WDR35: variants seen among roughly 807,000 people sequenced by gnomAD.
WDR35 encodes WD repeat-containing protein 35.
In WDR35, 118 loss-of-function variants were observed where a neutral mutation model predicts 158.3. That is an observed-to-expected ratio of 0.75 (90% confidence interval 0.64 to 0.87). The LOEUF (loss-of-function observed/expected upper bound fraction) is 0.87, where lower values mean the gene tolerates loss of function less well. WDR35 is among the 40% of genes least tolerant of loss of function. WDR35 has a pLI of 0.00. For synonymous variants in WDR35, 448 were observed against 476.1 expected (o/e 0.94, Z 0.77); for missense variants, 1,263 against 1,405.8 (o/e 0.90, Z 1.62).
Position 19,932,566 on chromosome 2 carries a change from T to C in WDR35, c.2659-119A>G, listed in dbSNP as rs1232724927. 4.0e-5 allele frequency: 50 copies of C among 1,263,212 alleles called. No homozygotes were observed. The East Asian group carries it at 1.1e-3, about 29-fold the overall frequency. The allele number at this position is 1,263,212 out of a possible 1,614,324, so 78.3% of individuals were successfully genotyped here. On this transcript the variant is annotated intron_variant, in intron 22 of 26. Coordinates refer to ENST00000281405, the MANE Select transcript of WDR35 (RefSeq NM_020779.4). ...ACACTATTTCAAAATTAAAAACTGG[T>C]ATGTTTTAAAAATAGCATTTAAAAT...
chr2:19,969,199 T>C (rs1671955504), intron 9 of WDR35, among the ~76,000 whole-genome samples: 1 of 152,250 alleles, frequency 6.6e-6, no homozygotes, highest in South Asian at 2.1e-4. Flanking sequence ...CATCCCTTAC[T>C]GTTCCCTTTA....
rs929509786 is a variant in WDR35, at chr2:19,980,849, A to C, written c.215-66T>G. ...ATTAATTTCAAATTCACATTTTTAT[A>C]TAAACACCAAGATCATGTTAAAATC... is the stretch of plus-strand genomic sequence containing the variant. On this transcript the variant is annotated intron_variant, in intron 3 of 26. Coordinates refer to ENST00000281405, the MANE Select transcript of WDR35 (RefSeq NM_020779.4). The C allele has an allele frequency of 2.9e-6, 4 of 1,367,858 alleles. No homozygotes were observed. The African/African-American group carries it at 4.3e-5, about 15-fold the overall frequency. The allele number at this position is 1,367,858 out of a possible 1,614,324, so 84.7% of individuals were successfully genotyped here. A position where few individuals can be genotyped will look rare whatever the true frequency, so the allele number is the denominator to read the frequency against.
At chr2:19,967,419 T>C (rs1025286864) in intron 9 of WDR35, among the ~76,000 whole-genome samples, 1 of 152,158 alleles carries the variant, frequency 6.6e-6, no homozygotes, top group African/African-American at 2.4e-5. Flanking sequence ...CCCTGCCAAA[T>C]TTCCTCTCTC....
At chr2:19,965,774 T>C (rs1164012047) in intron 10 of WDR35, among the ~76,000 whole-genome samples, 1 of 152,184 alleles carries the variant, frequency 6.6e-6, no homozygotes, top group Non-Finnish European at 1.5e-5. Flanking sequence ...TGGGATCTCC[T>C]TCTTCTTAAA....
In WDR35 at chr2:19,930,495, A is replaced by G. The variant is rs140453088; in HGVS notation, c.3022T>C (p.Phe1008Leu). ...EEEVLSTTDR[F>L]TDNAWRGAEA... The stretch of plus-strand genomic sequence containing the variant: ...GCCCCTCTCCATGCATTATCTGTGA[A>G]ACGATCTGTTGTAGACAGAACTTCT... Residue 1008 changes from phenylalanine to leucine, a missense_variant, in exon 25 of 27, where the codon TTC (phenylalanine) becomes CTC (leucine). Transcript: ENST00000281405. The G allele has an allele frequency of 4.3e-6, 7 of 1,614,214 alleles. No individual in the cohort carries two copies. In the African/African-American group the frequency reaches 8.0e-5, roughly 18 times the overall value.
At chr2:19,969,320 T>C (rs1295009300) in intron 9 of WDR35, among the ~76,000 whole-genome samples, 160 bp downstream of exon 9, 1 of 152,228 alleles carries the variant, frequency 6.6e-6, no homozygotes, top group Non-Finnish European at 1.5e-5. Flanking sequence ...ACTAACTATA[T>C]ATAGTATTCT....
intron 25 of WDR35, among the ~76,000 whole-genome samples, chr2:19,923,873 AT>A (rs1033791053): frequency 6.6e-6 from 1 of 152,196 alleles, no homozygotes; most frequent in African/African-American, 2.4e-5. Context: ...CCAGGTTCTC[AT>A]TTTGTAATGG....
chr2:19,931,800 A>C (rs1670534044), intron 23 of WDR35, among the ~76,000 whole-genome samples: 1 of 152,182 alleles, frequency 6.6e-6, no homozygotes, highest in South Asian at 2.1e-4. Context: ...TCAGAAGCTG[A>C]AACTTATTTA....
At position 19,936,345 on chromosome 2, in the gene WDR35, C is replaced by T. The variant is rs1670696748; in HGVS notation, c.2288G>A (p.Arg763Gln). The change falls in exon 20 of 27, where the codon CGG (arginine) becomes CAG (glutamine). Residue 763 changes from arginine (R) to glutamine (Q), a missense_variant. Arg to Gln is a conservative substitution (Grantham distance 43). Transcript: ENST00000281405. ...MDRRDLAIGL[R>Q]LKLGDWFRVL... ...TCTAAACCAATCCCCCAATTTCAGC[C>T]GGAGGCCAATAGCAAGATCCCTACA... 1.9e-5 allele frequency: 30 copies of T among 1,613,944 alleles called. 1 individual carries two copies. Among genetic ancestry groups the T allele is most frequent in the South Asian group, 3.3e-5 (3 of 91,080 alleles).
chr2:19,933,193 A>G (rs1670576319), intron 22 of WDR35, among the ~76,000 whole-genome samples: 1 of 152,210 alleles, frequency 6.6e-6, no homozygotes, highest in South Asian at 2.1e-4. Context: ...GTCACCCCTC[A>G]TGGTAGCACT....
intron 25 of WDR35, among the ~76,000 whole-genome samples, chr2:19,916,610 A>T (rs938175187): frequency 1.3e-5 from 2 of 152,164 alleles, no homozygotes; most frequent in Non-Finnish European, 2.9e-5. Flanking sequence ...CACAGTGTAA[A>T]CAAAGCCGCT....
At chr2:19,981,885 TAGAC>T (rs1317513741) in intron 3 of WDR35, among the ~76,000 whole-genome samples, 1 of 152,158 alleles carries the variant, frequency 6.6e-6, no homozygotes, top group East Asian at 1.9e-4. Flanking sequence ...ACAACATCCA[TAGAC>T]AGGAGTATTT....
chr2:19,948,249 A>G, intron 13 of WDR35, 32 bp from the exon 14 acceptor site: 2 of 1,587,816 alleles, frequency 1.3e-6, no homozygotes, highest in Non-Finnish European at 1.7e-6. Context: ...TTACTATTCA[A>G]CAAACATTTA....
Position 19,976,349 on chromosome 2 carries a change from C to G in WDR35, c.437-686G>C, listed in dbSNP as rs373830780. The stretch of plus-strand genomic sequence containing the variant: ...AAAGAGTTCTTCACACCTATAGTCT[C>G]CACTTCAACTGCCACTCAACCCTTA... On this transcript the variant is annotated intron_variant, in intron 5 of 26. Coordinates refer to ENST00000281405, the MANE Select transcript of WDR35 (RefSeq NM_020779.4). 2.6e-4 allele frequency among the ~76,000 whole-genome samples: 39 copies of G among 152,244 alleles called. 2 individuals carry two copies. Among genetic ancestry groups the G allele is most frequent in the East Asian group, 1.9e-3 (10 of 5,180 alleles).
intron 5 of WDR35, among the ~76,000 whole-genome samples, chr2:19,977,257 C>T (rs1672246424): frequency 6.6e-6 from 1 of 152,230 alleles, no homozygotes; most frequent in African/African-American, 2.4e-5. Context: ...CATTTTTGAG[C>T]TGCAGATATG....
Position 19,973,650 on chromosome 2 carries a change from G to T in WDR35, c.795C>A (p.Gly265=). 6.2e-7 allele frequency: 1 copy of T among 1,614,206 alleles called. No homozygotes were observed. The highest frequency in any genetic ancestry group is 8.5e-7 in the Non-Finnish European group (1 of 1,180,030). The change falls in exon 8 of 27, where the codon GGC becomes GGA. Residue 265 remains glycine, a synonymous_variant. Transcript: ENST00000281405. ...YVVGIQWNHM[G]SVLAVAGFQK... ...GGAAGCCTGCCACAGCTAACACGCT[G>T]CCCATGTGGTTCCACTGGATGCCTA...
At chr2:19,977,030 C>T (rs1198395157) in intron 5 of WDR35, among the ~76,000 whole-genome samples, 1 of 151,946 alleles carries the variant, frequency 6.6e-6, no homozygotes, top group Non-Finnish European at 1.5e-5. Context: ...CAAGGTCTTG[C>T]TATGTTGTCC....
chr2:19,918,014 G>A (rs1005952104), intron 25 of WDR35, among the ~76,000 whole-genome samples: 1 of 152,188 alleles, frequency 6.6e-6, no homozygotes, highest in Non-Finnish European at 1.5e-5. Context: ...TACCCACAAA[G>A]GGAAGCCCAT....
At chr2:19,969,822 A>G (rs916709804) in intron 8 of WDR35, among the ~76,000 whole-genome samples, 1 of 148,922 alleles carries the variant, frequency 6.7e-6, no homozygotes, top group African/African-American at 2.5e-5. Context: ...ATCTCGGCTC[A>G]CTGCAAGCTC....
Sources: allele counts gnomAD v4.1 joint callset (sites outside exome capture counted in the v4.1 genomes callset), GRCh38; gene constraint gnomAD v4.1.1; transcripts MANE v1.5; gene names NCBI Gene and HGNC (gene_info 2026-07-23, HGNC 2026-07-21).